The following DPYD variants were observed in gnomAD, a reference collection of about 807,000 sequenced individuals.
DPYD encodes dihydropyrimidine dehydrogenase [NADP(+)].
In DPYD, 109 loss-of-function variants were observed where a neutral mutation model predicts 116.2. That is an observed-to-expected ratio of 0.94 (90% confidence interval 0.80 to 1.10). The LOEUF (loss-of-function observed/expected upper bound fraction) is 1.10, where lower values mean the gene tolerates loss of function less well. DPYD is among the 50% of genes least tolerant of loss of function. DPYD has a pLI of 0.00. For missense variants in DPYD, 1,302 were observed against 1,254.5 expected (o/e 1.04, Z -0.57); for synonymous variants, 440 against 432.0 (o/e 1.02, Z -0.23).
intron 8 of DPYD, among the ~76,000 whole-genome samples, chr1:97,601,468 A>G (rs540310106): frequency 1.8e-4 from 27 of 152,054 alleles, no homozygotes; most frequent in Non-Finnish European, 1.5e-4. Context: ...ATATGCATCT[A>G]TGTATATATA....
At chr1:97,088,303 C>T (rs1056845431) in intron 21 of DPYD, among the ~76,000 whole-genome samples, 2 of 152,178 alleles carry the variant, frequency 1.3e-5, no homozygotes, top group Admixed American at 6.5e-5. Context: ...TCTAAGTTAA[C>T]GTGGAATGGT....
At chr1:97,786,430 A>G (rs1038649777) in intron 3 of DPYD, among the ~76,000 whole-genome samples, 4 of 151,380 alleles carry the variant, frequency 2.6e-5, no homozygotes, top group African/African-American at 9.8e-5. Context: ...TTTAAAGCAC[A>G]AAGATAAAAT....
intron 18 of DPYD, among the ~76,000 whole-genome samples, chr1:97,260,864 A>C (rs151242981): frequency 2.4e-4 from 37 of 152,250 alleles, no homozygotes; most frequent in Non-Finnish European, 5.1e-4. Flanking sequence ...CAGACAGTCC[A>C]GAGGGAGTTC....
chr1:97,374,387 T>C (rs1278562945), intron 15 of DPYD, among the ~76,000 whole-genome samples: 2 of 152,086 alleles, frequency 1.3e-5, no homozygotes, highest in African/African-American at 2.4e-5. Context: ...TCGTGGGAAG[T>C]CTTCTGTAAA....
chr1:97,466,140 C>T (rs560284956), intron 13 of DPYD, among the ~76,000 whole-genome samples: 140 of 152,292 alleles, frequency 9.2e-4, no homozygotes, highest in African/African-American at 3.1e-3. Flanking sequence ...GTCTCACATA[C>T]ACTCTGGTTT....
chr1:97,110,177 A>G (rs879279479), intron 20 of DPYD, among the ~76,000 whole-genome samples: 9 of 152,134 alleles, frequency 5.9e-5, no homozygotes, highest in Non-Finnish European at 8.8e-5. Context: ...CATCCTTGGG[A>G]AAGACTCCTT....
intron 14 of DPYD, among the ~76,000 whole-genome samples, chr1:97,416,437 T>TACATTTGATA (rs1345842364): frequency 6.6e-6 from 1 of 152,206 alleles, no homozygotes; most frequent in African/African-American, 2.4e-5. Flanking sequence ...CTCTCTGATT[T>TACATTTGATA]TCTTTATCCA....
At chr1:97,593,116 G>C in intron 10 of DPYD, 102 bp downstream of exon 10, 1 of 1,428,454 alleles carries the variant, frequency 7.0e-7, no homozygotes, top group African/African-American at 1.4e-5. Context: ...TTTTAAACTT[G>C]AATTTGACAA....
At chr1:97,795,009 T>C (rs1431294711) in intron 3 of DPYD, among the ~76,000 whole-genome samples, 1 of 152,122 alleles carries the variant, frequency 6.6e-6, no homozygotes, top group Non-Finnish European at 1.5e-5. Context: ...TAGATCACAT[T>C]AGATTTTCTT....
intron 8 of DPYD, among the ~76,000 whole-genome samples, chr1:97,596,430 T>C (rs972037551): frequency 2.4e-4 from 36 of 152,308 alleles, no homozygotes; most frequent in Middle Eastern, 6.8e-3. Flanking sequence ...GGAAAATAAA[T>C]GGCAGACTAA....
intron 8 of DPYD, among the ~76,000 whole-genome samples, chr1:97,671,626 T>C (rs1481628415): frequency 6.6e-6 from 1 of 152,174 alleles, no homozygotes; most frequent in Non-Finnish European, 1.5e-5. Context: ...TCTTCCATTG[T>C]TTCTTTTTTT....
chr1:97,597,247 G>T (rs2102265846), intron 8 of DPYD, among the ~76,000 whole-genome samples: 1 of 152,268 alleles, frequency 6.6e-6, no homozygotes, highest in Non-Finnish European at 1.5e-5. Flanking sequence ...CCACACCCCA[G>T]GTCACACATA....
chr1:97,400,743 G>A (rs1471734430), intron 14 of DPYD, among the ~76,000 whole-genome samples: 4 of 152,140 alleles, frequency 2.6e-5, no homozygotes, highest in Non-Finnish European at 4.4e-5. Context: ...GTGTAGAGGT[G>A]TTTATAGTAT....
intron 20 of DPYD, among the ~76,000 whole-genome samples, chr1:97,173,222 GTACATATAT>G (rs1557911294): frequency 5.1e-4 from 49 of 96,380 alleles, no homozygotes; most frequent in Non-Finnish European, 4.9e-5. Context: ...ACACATATAC[GTACATATAT>G]GCGCACACAT....
At chr1:97,670,376 A>G (rs1257282752) in intron 8 of DPYD, among the ~76,000 whole-genome samples, 1 of 152,190 alleles carries the variant, frequency 6.6e-6, no homozygotes, top group Non-Finnish European at 1.5e-5. Context: ...GTTTTAGTTA[A>G]ACTCATGAAG....
At chr1:97,288,652 C>T (rs1665906797) in intron 18 of DPYD, among the ~76,000 whole-genome samples, 1 of 143,104 alleles carries the variant, frequency 7.0e-6, no homozygotes, top group African/African-American at 2.6e-5. Flanking sequence ...AACAAAGACA[C>T]AACATACCAG....
At chr1:97,203,074 A>G (rs1203092440) in intron 19 of DPYD, among the ~76,000 whole-genome samples, 1 of 152,124 alleles carries the variant, frequency 6.6e-6, no homozygotes, top group Admixed American at 6.6e-5. Flanking sequence ...AGTTTGAGGA[A>G]GCTTGGCCAC....
chr1:97,153,375 C>T (rs1655176772), intron 20 of DPYD, among the ~76,000 whole-genome samples: 1 of 152,070 alleles, frequency 6.6e-6, no homozygotes, highest in Non-Finnish European at 1.5e-5. Flanking sequence ...CCCAGGAGAA[C>T]ATGGCGAGGA....
intron 13 of DPYD, among the ~76,000 whole-genome samples, chr1:97,477,918 G>A (rs958111112): frequency 6.6e-6 from 1 of 152,154 alleles, no homozygotes; most frequent in Non-Finnish European, 1.5e-5. Flanking sequence ...ATGAAACCTA[G>A]AATGGTAAAT....
Sources: allele counts gnomAD v4.1 joint callset (sites outside exome capture counted in the v4.1 genomes callset), GRCh38; gene constraint gnomAD v4.1.1; transcripts MANE v1.5; gene names NCBI Gene and HGNC (gene_info 2026-07-23, HGNC 2026-07-21).